The following ZNF717 variants were observed in gnomAD, a reference collection of about 807,000 sequenced individuals.
ZNF717 encodes the protein zinc finger protein 717.
Under a neutral mutation model 13.8 loss-of-function variants are expected in ZNF717, and 9 were observed. The observed-to-expected ratio is 0.65, with a 90% CI of 0.39 to 1.14. The LOEUF (loss-of-function observed/expected upper bound fraction) is 1.14, where lower values mean the gene tolerates loss of function less well. ZNF717 is among the 50% of genes most tolerant of loss of function. The probability of loss-of-function intolerance (pLI) is 0.01; values close to 1 mark genes in which losing one functional copy is unlikely to be tolerated. For synonymous variants in ZNF717, 327 were observed against 364.1 expected (o/e 0.90, Z 1.16); for missense variants, 1,040 against 1,080.7 (o/e 0.96, Z 0.53).
downstream of ZNF717, among the ~76,000 whole-genome samples, chr3:75,729,336 C>T (rs1575727799): frequency 6.6e-6 from 1 of 152,260 alleles, no homozygotes; most frequent in Admixed American, 6.5e-5. Context: ...AGCTATCAGA[C>T]CAGGTGTGGC....
chr3:75,776,946 T>G (rs1354318533), intron 2 of ZNF717, among the ~76,000 whole-genome samples: 2 of 152,230 alleles, frequency 1.3e-5, no homozygotes, highest in Non-Finnish European at 2.9e-5. Flanking sequence ...TCTAACTCAT[T>G]CTTTAATCTA....
At chr3:75,727,819 C>T (rs1938318571), downstream of ZNF717, among the ~76,000 whole-genome samples, 4 of 152,200 alleles carry the variant, frequency 2.6e-5, no homozygotes, top group African/African-American at 9.7e-5. Flanking sequence ...GTTCGTACAT[C>T]CCCTCCCCTT....
At chr3:75,696,382 G>T (rs1414727198) in intron 6 of ZNF717, among the ~76,000 whole-genome samples, 3 of 152,152 alleles carry the variant, frequency 2.0e-5, no homozygotes, top group African/African-American at 7.3e-5. Flanking sequence ...ATTCTTTGAG[G>T]CTAGTATTAC....
downstream of ZNF717, among the ~76,000 whole-genome samples, chr3:75,734,034 G>C (rs1421751640): frequency 7.0e-6 from 1 of 143,560 alleles, no homozygotes; most frequent in African/African-American, 2.6e-5. Context: ...GAAAAAAAAA[G>C]ATACACATCT....
Position 75,723,625 on chromosome 3 carries a change from G to GAATCATCAAAT in ZNF717, n.545-7085_545-7084insATTTGATGATT, listed in dbSNP as rs1575723587. On this transcript the variant is annotated intron_variant and non_coding_transcript_variant, in intron 4 of 5. Coordinates refer to the ZNF717 transcript ENST00000491507. The stretch of plus-strand genomic sequence containing the variant: ...GTCCATACAGAGATAGGAGCTGAAG[G>GAATCATCAAAT]GACATGGTGAGAAGTGACCAGGAGA... Among the ~76,000 whole-genome samples the GAATCATCAAAT allele has an allele frequency of 1.2e-4, 19 of 152,318 alleles. No individual in the cohort carries two copies. The East Asian group carries it at 3.5e-3, about 28-fold the overall frequency.
chr3:75,735,346 T>C (rs1183692043), downstream of ZNF717, among the ~76,000 whole-genome samples: 14 of 151,946 alleles, frequency 9.2e-5, no homozygotes, highest in Non-Finnish European at 1.8e-4. Context: ...AACCAAAGTA[T>C]AGAAATGCTA....
intron 2 of ZNF717, among the ~76,000 whole-genome samples, chr3:75,749,072 CGT>C (rs1268325522): frequency 7.2e-5 from 11 of 152,018 alleles, no homozygotes; most frequent in Middle Eastern, 3.4e-3. Context: ...TTGTCCATCA[CGT>C]AAGATTCCAC....
chr3:75,739,425 C>T lies in ZNF717; in HGVS notation c.278-80G>A, dbSNP rs1347895881. ...GCTTGTGTAAAGGTAAAAAAAATTA[C>T]TTCCTATCTCAGTGGAGTAAGATTT... On this transcript the variant is annotated intron_variant, in intron 4 of 4. Coordinates refer to ENST00000652011, the MANE Select transcript of ZNF717 (RefSeq NM_001290208.3). 2.0e-5 allele frequency: 22 copies of T among 1,117,608 alleles called. No homozygotes were observed. In the East Asian group the frequency reaches 5.4e-4, roughly 28 times the overall value. The allele number at this position is 1,117,608 out of a possible 1,614,324, so 69.2% of individuals were successfully genotyped here.
downstream of ZNF717, among the ~76,000 whole-genome samples, chr3:75,725,006 TCACA>T (rs1300174423): frequency 0.017 from 977 of 58,988 alleles, no homozygotes; most frequent in African/African-American, 0.038. Flanking sequence ...AGTGAAACCC[TCACA>T]CTCTCTCATC....
At chr3:75,720,992 G>A (rs1309947324) in intron 4 of ZNF717, among the ~76,000 whole-genome samples, 1 of 151,898 alleles carries the variant, frequency 6.6e-6, no homozygotes, top group Non-Finnish European at 1.5e-5. Flanking sequence ...TCAACTAATT[G>A]CATTGTTTTT....
At chr3:75,749,026 T>C (rs1289537512) in intron 2 of ZNF717, among the ~76,000 whole-genome samples, 2 of 151,562 alleles carry the variant, frequency 1.3e-5, no homozygotes, top group African/African-American at 2.4e-5. Context: ...GTCCCTCACA[T>C]AGGATTCCAG....
downstream of ZNF717, among the ~76,000 whole-genome samples, chr3:75,727,376 G>T (rs1938306680): frequency 9.8e-5 from 15 of 152,316 alleles, no homozygotes. Flanking sequence ...CTGCCTGCAG[G>T]GTTGGGCAGA....
intron 2 of ZNF717, among the ~76,000 whole-genome samples, chr3:75,746,749 T>A (rs1156443096): frequency 6.6e-6 from 1 of 152,152 alleles, no homozygotes; most frequent in Non-Finnish European, 1.5e-5. Flanking sequence ...ATTTGAGTTC[T>A]TTGTAGATTC....
intron 6 of ZNF717, among the ~76,000 whole-genome samples, chr3:75,702,401 T>C (rs1937713301): frequency 1.3e-5 from 2 of 152,308 alleles, no homozygotes. Flanking sequence ...CTCACTTATT[T>C]GTGGGTGCTA....
chr3:75,699,488 T>G (rs1281343714), intron 6 of ZNF717, among the ~76,000 whole-genome samples: 57 of 151,898 alleles, frequency 3.8e-4, no homozygotes, highest in African/African-American at 1.4e-3. Flanking sequence ...TCATTTCCTT[T>G]GGTGCCATTC....
chr3:75,702,197 G>A (rs1340272068), intron 6 of ZNF717, among the ~76,000 whole-genome samples: 8 of 152,376 alleles, frequency 5.3e-5, no homozygotes, highest in Admixed American at 3.9e-4. Flanking sequence ...GTTTATAATA[G>A]CCAAGATTTG....
At position 75,740,552 on chromosome 3, in the gene ZNF717, T is replaced by G. The variant is rs79463853; in HGVS notation, c.277+724A>C. 1.3e-4 allele frequency among the ~76,000 whole-genome samples: 18 copies of G among 138,748 alleles called. No homozygotes were observed. In the Admixed American group the frequency reaches 1.3e-3, roughly 10 times the overall value. The allele number at this position is 138,748 out of a possible 152,430, so 91.0% of individuals were successfully genotyped here. ...GTATAAAAACTGGGATTACAAACCCTTGTCACCGTACTCAGCTATTTTTTT... is the reference window on the plus strand; with the variant it reads ...GTATAAAAACTGGGATTACAAACCCGTGTCACCGTACTCAGCTATTTTTTT... On this transcript the variant is annotated intron_variant, in intron 4 of 4. Coordinates refer to ENST00000652011, the MANE Select transcript of ZNF717 (RefSeq NM_001290208.3).
At chr3:75,741,039 A>C (rs1940352582) in intron 4 of ZNF717, among the ~76,000 whole-genome samples, 1 of 152,216 alleles carries the variant, frequency 6.6e-6, no homozygotes, top group Admixed American at 6.5e-5. Flanking sequence ...AAAAGGCCTA[A>C]GGAGAGGATG....
intron 2 of ZNF717, among the ~76,000 whole-genome samples, chr3:75,771,587 T>C (rs1054146863): frequency 3.3e-5 from 5 of 152,368 alleles, no homozygotes; most frequent in Middle Eastern, 3.4e-3. Context: ...GCAAGGCACC[T>C]GCAAGGACCC....
Sources: allele counts gnomAD v4.1 joint callset (sites outside exome capture counted in the v4.1 genomes callset), GRCh38; gene constraint gnomAD v4.1.1; transcripts MANE v1.5; gene names NCBI Gene and HGNC (gene_info 2026-07-23, HGNC 2026-07-21).